The following NLRC5 variants were observed in gnomAD, a reference collection of about 807,000 sequenced individuals.
NLRC5 encodes NLR family CARD domain containing 5.
In NLRC5, 114 loss-of-function variants were observed where a neutral mutation model predicts 206.9. The observed-to-expected ratio is 0.55, with a 90% CI of 0.47 to 0.64. The LOEUF (loss-of-function observed/expected upper bound fraction) is 0.64. Ranked by LOEUF, NLRC5 falls within the 30% of genes least tolerant of loss-of-function variation. The pLI, the probability that NLRC5 is intolerant of heterozygous loss-of-function variation, is 0.00. For missense variants in NLRC5, 2,008 were observed against 2,305.5 expected, an observed-to-expected ratio of 0.87 and a Z score of 2.64; for synonymous variants, 952 against 962.8, an observed-to-expected ratio of 0.99 and a Z score of 0.21.
intron 19 of NLRC5, among the ~76,000 whole-genome samples, chr16:57,042,860 A>G (rs891105012): frequency 4.6e-5 from 7 of 152,158 alleles, no homozygotes; most frequent in Non-Finnish European, 7.4e-5. Context: ...TTTTTGTGCA[A>G]TGCTGGGAAG....
In NLRC5 at chr16:57,062,068, A is replaced by T; in HGVS notation, c.4154+367A>T. 5.4e-6 allele frequency: 7 copies of T among 1,303,342 alleles called. No homozygotes were observed. In the South Asian group the frequency reaches 7.9e-5, roughly 15 times the overall value. The allele number at this position is 1,303,342 out of a possible 1,614,324, so 80.7% of individuals were successfully genotyped here. A position where few individuals can be genotyped will look rare whatever the true frequency, so the allele number is the denominator to read the frequency against. On this transcript the variant is annotated intron_variant, in intron 32 of 48. Transcript: ENST00000688547. ...AAAAGAAGATACCGAAGTAGAAAGA[A>T]TAATTTTTTAAAACTCCTATTCCCA...
intron 13 of NLRC5, chr16:57,034,459 T>G: frequency 1.8e-6 from 1 of 561,868 alleles, no homozygotes; most frequent in Non-Finnish European, 3.2e-6. Flanking sequence ...CCTCCTCGCA[T>G]TCACTCCTCA....
chr16:57,047,839 C>G lies in NLRC5; in HGVS notation c.3422+211C>G, dbSNP rs557564459. The G allele has an allele frequency of 6.8e-6, 4 of 592,058 alleles. No homozygotes were observed. The East Asian group carries it at 8.4e-5, about 12-fold the overall frequency. The allele number at this position is 592,058 out of a possible 1,614,324, so 36.7% of individuals were successfully genotyped here. On this transcript the variant is annotated intron_variant, in intron 23 of 48. Transcript: ENST00000688547. ...AGCGCATGTCTCCCACTGGGAGATG[C>G]TGTGCTGGACTGGGGAAGCCTTCAC...
chr16:56,994,531 G>A (rs970729051), intron 1 of NLRC5, among the ~76,000 whole-genome samples: 1 of 152,198 alleles, frequency 6.6e-6, no homozygotes, highest in African/African-American at 2.4e-5. Flanking sequence ...AAACAAAGAT[G>A]TGCATGTCAT....
intron 30 of NLRC5, 48 bp from the exon 31 acceptor site, chr16:57,061,400 A>G (rs1401960680): frequency 6.4e-7 from 1 of 1,562,468 alleles, no homozygotes; most frequent in Non-Finnish European, 8.8e-7. Flanking sequence ...GCTGAGCAGC[A>G]GTGCCCACAG....
At position 57,022,295 on chromosome 16, in the gene NLRC5, C is replaced by A; in HGVS notation, c.335C>A (p.Pro112His). 1.2e-6 allele frequency: 2 copies of A among 1,611,960 alleles called. No homozygotes were observed. The highest frequency in any genetic ancestry group is 1.7e-6 in the Non-Finnish European group (2 of 1,178,250). The change falls in exon 4 of 49, where the codon CCT becomes CAT. Residue 112 changes from proline to histidine, a missense_variant. By Grantham distance (77) the Pro-to-His change is moderately conservative (BLOSUM62 -2). Transcript: ENST00000688547. ...CTGGGAGCTGAGGGGAAAAGCCAAC[C>A]TGAATCTCAGCTCCACCATGGTGAG... is the stretch of plus-strand genomic sequence containing the variant. Reference protein sequence around the residue: ...SQLGAEGKSQPESQLHHGLKR... With the variant: ...SQLGAEGKSQHESQLHHGLKR...
chr16:57,041,817 T>C (rs1250938668), intron 18 of NLRC5, among the ~76,000 whole-genome samples, 165 bp from the exon 19 acceptor site: 4 of 151,454 alleles, frequency 2.6e-5, no homozygotes, highest in African/African-American at 9.7e-5. Flanking sequence ...AATAAGAACC[T>C]GGGGGAGACC....
chr16:57,031,181 CTTTT>C (rs1427008578), intron 10 of NLRC5, among the ~76,000 whole-genome samples: 3 of 151,816 alleles, frequency 2.0e-5, no homozygotes, highest in Non-Finnish European at 1.5e-5. Flanking sequence ...GTTTTTCTGA[CTTTT>C]TAAAACACTC....
At chr16:57,018,643 G>T (rs1317820660) in intron 2 of NLRC5, among the ~76,000 whole-genome samples, 1 of 152,182 alleles carries the variant, frequency 6.6e-6, no homozygotes, top group Non-Finnish European at 1.5e-5. Context: ...CAGCCTCTGG[G>T]AATTGGGAAG....
intron 1 of NLRC5, among the ~76,000 whole-genome samples, chr16:56,999,360 G>C (rs2057996921): frequency 6.6e-6 from 1 of 152,236 alleles, no homozygotes; most frequent in Non-Finnish European, 1.5e-5. Context: ...TAGAAGCGCA[G>C]TAAGATCTAG....
At chr16:57,002,388 T>G (rs1597089588) in intron 1 of NLRC5, among the ~76,000 whole-genome samples, 1 of 152,176 alleles carries the variant, frequency 6.6e-6, no homozygotes, top group Non-Finnish European at 1.5e-5. Flanking sequence ...CCTCAGGTGA[T>G]CCACCTGCCT....
At chr16:57,047,437 G>A (rs1212621699) in intron 22 of NLRC5, 108 bp from the exon 23 acceptor site, 2 of 954,286 alleles carry the variant, frequency 2.1e-6, no homozygotes, top group Non-Finnish European at 3.2e-6. Context: ...GGGGCCTGTG[G>A]CCTCCCACTT....
chr16:57,059,097 G>C (rs2144591420), intron 29 of NLRC5, 36 bp downstream of exon 29: 2 of 1,613,260 alleles, frequency 1.2e-6, no homozygotes, highest in Non-Finnish European at 1.7e-6. Flanking sequence ...GCCCCTTTCT[G>C]CTGGCCAACA....
At chr16:57,012,054 T>C (rs2059563039) in intron 1 of NLRC5, among the ~76,000 whole-genome samples, 2 of 152,234 alleles carry the variant, frequency 1.3e-5, no homozygotes, top group South Asian at 4.1e-4. Context: ...GAATCATTCC[T>C]ATTTCTGCTC....
intron 48 of NLRC5, among the ~76,000 whole-genome samples, chr16:57,082,151 CT>C (rs2069230328): frequency 6.6e-6 from 1 of 152,212 alleles, no homozygotes; most frequent in African/African-American, 2.4e-5. Context: ...GAAAGAGGGT[CT>C]TTTCCTTATT....
intron 1 of NLRC5, among the ~76,000 whole-genome samples, chr16:56,991,690 T>C (rs1424659297): frequency 6.7e-6 from 1 of 149,350 alleles, no homozygotes; most frequent in Non-Finnish European, 1.5e-5. Context: ...TTTTTTTTTT[T>C]TTTTTTTTTT....
chr16:56,995,042 C>A (rs1414093434), intron 1 of NLRC5, among the ~76,000 whole-genome samples: 1 of 152,032 alleles, frequency 6.6e-6, no homozygotes, highest in Non-Finnish European at 1.5e-5. Flanking sequence ...GGTGTGGTGG[C>A]ACGTGACTGT....
At chr16:57,014,103 CA>C (rs1305863634) in intron 1 of NLRC5, 1 of 194,414 alleles carries the variant, frequency 5.1e-6, no homozygotes, top group Non-Finnish European at 1.1e-5. Flanking sequence ...TTCAAAACAC[CA>C]GTTCCACATG....
In NLRC5 at chr16:57,081,002, C is replaced by T. The variant is rs2069065534; in HGVS notation, c.5322-96C>T. Reference sequence around the variant, plus strand: ...GGCCTCTCTTGAAAACCCTTGCCCCCACGACTGGCACCCTGCTTTCCCCAT... The same window carrying T: ...GGCCTCTCTTGAAAACCCTTGCCCCTACGACTGGCACCCTGCTTTCCCCAT... On this transcript the variant is annotated intron_variant, in intron 46 of 48. Coordinates refer to ENST00000688547, the MANE Select transcript of NLRC5 (RefSeq NM_001384950.1). 3.6e-6 allele frequency: 4 copies of T among 1,122,680 alleles called. No individual in the cohort carries two copies. In the South Asian group the frequency reaches 5.5e-5, roughly 16 times the overall value. 69.5% of individuals were successfully genotyped at this position (1,122,680 alleles called of 1,614,324 possible). A position where few individuals can be genotyped will look rare whatever the true frequency, so the allele number is the denominator to read the frequency against.
Sources: allele counts gnomAD v4.1 joint callset (sites outside exome capture counted in the v4.1 genomes callset), GRCh38; gene constraint gnomAD v4.1.1; transcripts MANE v1.5; gene names NCBI Gene and HGNC (gene_info 2026-07-23, HGNC 2026-07-21).